Variants in NOS1AP observed in about 807,000 individuals in gnomAD.
NOS1AP encodes nitric oxide synthase 1 adaptor protein.
In NOS1AP, 21 loss-of-function variants were observed where a neutral mutation model predicts 56.2. The observed-to-expected ratio is 0.37, with a 90% CI of 0.26 to 0.54. NOS1AP has a LOEUF of 0.54. Ranked by LOEUF, NOS1AP falls within the 20% of genes least tolerant of loss-of-function variation. NOS1AP has a pLI of 0.84. For missense variants in NOS1AP, 522 were observed against 657.8 expected (o/e 0.79, Z 2.26); for synonymous variants, 270 against 274.6 (o/e 0.98, Z 0.17).
At position 162,367,333 on chromosome 1, in the gene NOS1AP, G is replaced by T; in HGVS notation, c.1387G>T (p.Ala463Ser). 1 of 1,613,098 alleles carries T rather than the reference G, an allele frequency of 6.2e-7. No homozygotes were observed. Among genetic ancestry groups the T allele is most frequent in the Non-Finnish European group, 8.5e-7 (1 of 1,179,898 alleles). Residue 463 changes from alanine to serine, a missense_variant, in exon 10 of 10, where the codon GCC becomes TCC. Physicochemically the swap from Ala to Ser is moderately conservative, Grantham distance 99 (BLOSUM62 1). Around this residue, in one of 4 missense-constraint regions of NOS1AP, gnomAD observed 160 missense variants for 180.3 expected, o/e 0.89. Coordinates refer to ENST00000361897, the MANE Select transcript of NOS1AP (RefSeq NM_014697.3). This position sits in a 1 kb window ranked among gnomAD's most constrained non-coding sequence, Gnocchi z 6.5. ...ELIKFRESGI[A>S]SEYESNTDES... ...CATCAAGTTCCGAGAGTCAGGCATC[G>T]CCTCGGAGTACGAGTCCAACACGGA...
intron 2 of NOS1AP, among the ~76,000 whole-genome samples, chr1:162,191,912 G>C (rs1651660411): frequency 6.6e-6 from 1 of 152,032 alleles, no homozygotes; most frequent in African/African-American, 2.4e-5. Flanking sequence ...CCTGTGGTTG[G>C]TGCTGAGCTA....
rs201063892 is a variant in NOS1AP, at chr1:162,305,146, CAT to C, written c.344+4442_344+4443del. Among the ~76,000 whole-genome samples, 885 of 152,138 alleles carry C rather than the reference CAT, an allele frequency of 5.8e-3. 7 individuals are homozygous for C. The highest frequency in any genetic ancestry group is 0.021 in the African/African-American group (857 of 41,498). On this transcript the variant is annotated intron_variant, in intron 4 of 9. Transcript: ENST00000361897. ...ATTGTGGTGAAATAAATATATATAA[CAT>C]AAATTTTGCCATTTTAACCATTTTT...
chr1:162,189,552 CAG>C (rs1228746779), intron 2 of NOS1AP, among the ~76,000 whole-genome samples: 1 of 152,132 alleles, frequency 6.6e-6, no homozygotes, highest in Admixed American at 6.5e-5. Flanking sequence ...CAGTATCTGA[CAG>C]AATGTTCTAG....
chr1:162,155,507 G>C (rs1041208441), intron 2 of NOS1AP, among the ~76,000 whole-genome samples: 1 of 151,462 alleles, frequency 6.6e-6, no homozygotes, highest in African/African-American at 2.4e-5. Flanking sequence ...ATTTTTAAGA[G>C]CAAATGTGAG....
intron 4 of NOS1AP, among the ~76,000 whole-genome samples, chr1:162,328,106 T>C (rs1340138783): frequency 2.0e-5 from 3 of 152,214 alleles, no homozygotes; most frequent in Non-Finnish European, 2.9e-5. Context: ...CCCATGCTCT[T>C]TCCACAGTGC....
intron 1 of NOS1AP, among the ~76,000 whole-genome samples, chr1:162,135,613 G>A (rs1442295746): frequency 6.6e-6 from 1 of 152,158 alleles, no homozygotes; most frequent in Non-Finnish European, 1.5e-5. Context: ...GCAGACCCAG[G>A]TTTGCGTTGT....
At chr1:162,174,933 C>G (rs1042157614) in intron 2 of NOS1AP, among the ~76,000 whole-genome samples, 1 of 152,110 alleles carries the variant, frequency 6.6e-6, no homozygotes, top group Non-Finnish European at 1.5e-5. Context: ...ACTGGTCAGG[C>G]CTATTTTGTA....
At chr1:162,172,648 C>T (rs1446300769) in intron 2 of NOS1AP, among the ~76,000 whole-genome samples, 2 of 152,164 alleles carry the variant, frequency 1.3e-5, no homozygotes, top group Non-Finnish European at 2.9e-5. Context: ...GTGACCCAGC[C>T]AACTCTTTGG....
chr1:162,126,394 G>A (rs971657808), intron 1 of NOS1AP, among the ~76,000 whole-genome samples: 6 of 152,130 alleles, frequency 3.9e-5, no homozygotes, highest in Admixed American at 2.6e-4. Flanking sequence ...TTCAGGGTTA[G>A]CATTTGGGAC....
intron 1 of NOS1AP, among the ~76,000 whole-genome samples, chr1:162,110,465 C>G (rs1321560655): frequency 6.6e-6 from 1 of 152,094 alleles, no homozygotes; most frequent in Non-Finnish European, 1.5e-5. Context: ...TCCTCCTTAC[C>G]TTACCGGCTG....
chr1:162,300,489 G>A (rs1336384599), intron 3 of NOS1AP, 144 bp from the exon 4 acceptor site: 7 of 741,776 alleles, frequency 9.4e-6, no homozygotes, highest in East Asian at 7.8e-5. Flanking sequence ...TTTTGCACTC[G>A]TCGTTTTGGA....
At chr1:162,326,033 G>A (rs886772047) in intron 4 of NOS1AP, among the ~76,000 whole-genome samples, 1 of 152,162 alleles carries the variant, frequency 6.6e-6, no homozygotes, top group Non-Finnish European at 1.5e-5. Context: ...GAGAATATTT[G>A]TGCATCTGTT....
At chr1:162,240,746 A>C (rs559045046) in intron 2 of NOS1AP, among the ~76,000 whole-genome samples, 33 of 152,266 alleles carry the variant, frequency 2.2e-4, no homozygotes, top group Admixed American at 2.0e-4. Context: ...TTCATGGTCC[A>C]TTCATGTATT....
intron 1 of NOS1AP, among the ~76,000 whole-genome samples, chr1:162,117,200 G>C (rs1176272990): frequency 6.6e-6 from 1 of 152,154 alleles, no homozygotes; most frequent in Non-Finnish European, 1.5e-5. Flanking sequence ...TATGCATTTT[G>C]TTCTGTTTGC....
intron 1 of NOS1AP, among the ~76,000 whole-genome samples, chr1:162,082,720 T>G (rs1051763334): frequency 2.0e-5 from 3 of 152,166 alleles, no homozygotes; most frequent in Non-Finnish European, 4.4e-5. Context: ...ATATGTTTAT[T>G]GGCCCACCTC....
chr1:162,286,055 T>C (rs1164544792), intron 2 of NOS1AP, among the ~76,000 whole-genome samples: 1 of 152,116 alleles, frequency 6.6e-6, no homozygotes, highest in Non-Finnish European at 1.5e-5. Context: ...ATCTGAGATT[T>C]TAGTGAAAAG....
rs942804736 is a variant in NOS1AP at position 162,188,960 on chromosome 1, G to A, written c.177+34484G>A. Among the ~76,000 whole-genome samples the A allele has an allele frequency of 6.6e-6, 1 of 152,174 alleles. No homozygotes were observed. Among genetic ancestry groups the A allele is most frequent in the Admixed American group, 6.5e-5 (1 of 15,284 alleles). ...TAGTCCCAGCTACACAGGAGGCTGA[G>A]GCAGGAGAATCACTTGAACCCAAGA... On this transcript the variant is annotated intron_variant, in intron 2 of 9. Transcript: ENST00000361897. This position sits in a 1 kb window ranked among gnomAD's most constrained non-coding sequence, Gnocchi z 4.0.
Position 162,222,325 on chromosome 1 carries a change from C to T in NOS1AP, c.178-65019C>T, listed in dbSNP as rs78360254. 0.012 allele frequency among the ~76,000 whole-genome samples: 1,752 copies of T among 152,274 alleles called. 173 individuals are homozygous for T. In the East Asian group the frequency reaches 0.24, roughly 21 times the overall value. The stretch of plus-strand genomic sequence containing the variant: ...ATGCGGTATATAATATCTAACACGG[C>T]TAGTATCATAAATTTCTTCCTTGAG... On this transcript the variant is annotated intron_variant, in intron 2 of 9. Coordinates refer to ENST00000361897, the MANE Select transcript of NOS1AP (RefSeq NM_014697.3).
chr1:162,316,320 C>T (rs534231691), intron 4 of NOS1AP, among the ~76,000 whole-genome samples: 4 of 152,320 alleles, frequency 2.6e-5, no homozygotes, highest in African/African-American at 7.2e-5. Context: ...AACAAGAAGT[C>T]GAATGACTTT....
Sources: allele counts gnomAD v4.1 joint callset (sites outside exome capture counted in the v4.1 genomes callset), GRCh38; gene constraint gnomAD v4.1.1; regional missense constraint gnomAD v4.1.1; non-coding constraint Gnocchi (gnomAD v3.1); transcripts MANE v1.5; gene names NCBI Gene and HGNC (gene_info 2026-07-23, HGNC 2026-07-21).